Variants in SATL1 observed in about 807,000 individuals in gnomAD.
The protein encoded by SATL1 is spermidine/spermine N(1)-acetyltransferase-like protein 1.
Under a neutral mutation model 51.8 loss-of-function variants are expected in SATL1, and 47 were observed. The ratio of observed to expected loss-of-function variants is 0.91; its 90% confidence interval spans 0.72 to 1.16. The LOEUF (loss-of-function observed/expected upper bound fraction) is 1.16, where lower values mean the gene tolerates loss of function less well. SATL1 is among the 50% of genes most tolerant of loss of function. The pLI is 0.00. For missense variants in SATL1, 520 were observed against 526.4 expected, an observed-to-expected ratio of 0.99 and a Z score of 0.12; for synonymous variants, 176 against 182.4, an observed-to-expected ratio of 0.97 and a Z score of 0.28.
At chrX:85,093,569 ACACGATGGCTCACACATGTGATGG>A (rs1490820115) in intron 6 of SATL1, among the ~76,000 whole-genome samples, 1 of 112,566 alleles carries the variant, frequency 8.9e-6, no homozygotes, top group Non-Finnish European at 1.9e-5. Flanking sequence ...GCCTATACTC[ACACGATGGCTCACACATGTGATGG>A]CACGATGGCT....
At chrX:85,144,932 G>A (rs1466891939) in intron 2 of SATL1, among the ~76,000 whole-genome samples, 1 of 110,876 alleles carries the variant, frequency 9.0e-6, no homozygotes, top group Non-Finnish European at 1.9e-5. Context: ...AGGTACTTGG[G>A]GGGCTGAAGT....
chrX:85,233,051 G>A (rs1308922868), intron 1 of SATL1, among the ~76,000 whole-genome samples: 1 of 112,172 alleles, frequency 8.9e-6, no homozygotes, highest in Non-Finnish European at 1.9e-5. Flanking sequence ...GTGGCCACAG[G>A]GTTGCTTGTG....
Position 85,145,833 on chromosome X carries a change from A to G in SATL1, c.-312-36553T>C, listed in dbSNP as rs958089278. 3.6e-5 allele frequency among the ~76,000 whole-genome samples: 4 copies of G among 111,594 alleles called. No homozygotes were observed. The East Asian group carries it at 1.1e-3, about 31-fold the overall frequency. On this transcript the variant is annotated intron_variant, in intron 2 of 7. Transcript: ENST00000644105. ...AGTTACCTGTGGTACCACGATCTGA[A>G]CATACTACATACAGTAAGATATTTT...
chrX:85,165,154 T>C (rs1228986431), intron 2 of SATL1, among the ~76,000 whole-genome samples: 1 of 111,868 alleles, frequency 8.9e-6, no homozygotes, highest in Admixed American at 9.5e-5. Flanking sequence ...TTTAGATTTC[T>C]CCTCTCCCTC....
intron 2 of SATL1, among the ~76,000 whole-genome samples, chrX:85,170,485 A>T (rs985457074): frequency 1.8e-5 from 2 of 111,740 alleles, no homozygotes; most frequent in African/African-American, 6.5e-5. Context: ...TGTACCGATG[A>T]AAAGCAAACA....
chrX:85,127,696 G>A (rs1925660794), intron 2 of SATL1, among the ~76,000 whole-genome samples: 2 of 111,260 alleles, frequency 1.8e-5, no homozygotes, highest in Admixed American at 1.9e-4. Context: ...TGCACAACAT[G>A]CAGGTGTGTT....
chrX:85,225,408 A>T (rs73234650), intron 1 of SATL1, among the ~76,000 whole-genome samples: 11,151 of 112,240 alleles, frequency 0.099, 538 homozygotes, highest in South Asian at 0.18. Context: ...ATCATGTCTT[A>T]CAACTGCATG....
chrX:85,149,413 G>A, intron 2 of SATL1, among the ~76,000 whole-genome samples: 1 of 111,435 alleles, frequency 9.0e-6, no homozygotes, highest in Non-Finnish European at 1.9e-5. Context: ...CAATGAGACA[G>A]AAAGTTAACA....
chrX:85,130,170 T>A (rs1925746441), intron 2 of SATL1, among the ~76,000 whole-genome samples: 1 of 112,156 alleles, frequency 8.9e-6, no homozygotes, highest in Non-Finnish European at 1.9e-5. Context: ...TAAAATGAGT[T>A]AAGGAGGATT....
At chrX:85,170,166 A>G (rs1251178188) in intron 2 of SATL1, among the ~76,000 whole-genome samples, 1 of 111,159 alleles carries the variant, frequency 9.0e-6, no homozygotes, top group East Asian at 2.8e-4. Flanking sequence ...AGAAAAAATA[A>G]CTAACGGGTA....
Position 85,174,447 on chromosome X carries a change from C to T in SATL1, c.-313+49758G>A, listed in dbSNP as rs140608879. Among the ~76,000 whole-genome samples, 290 of 109,011 alleles carry T rather than the reference C, an allele frequency of 2.7e-3. 3 individuals carry two copies. Among genetic ancestry groups the T allele is most frequent in the Non-Finnish European group, 2.8e-3 (145 of 52,416 alleles). The allele number at this position is 109,011 out of a possible 115,157, so 94.7% of individuals were successfully genotyped here. A position where few individuals can be genotyped will look rare whatever the true frequency, so the allele number is the denominator to read the frequency against. ...AAGTGATTCTCCTGTTTCAGCCTCC[C>T]GAGTATTTGGGATTACAGGTGACCA... On this transcript the variant is annotated intron_variant, in intron 2 of 7. Transcript: ENST00000644105.
At chrX:85,135,727 A>G (rs1925936713) in intron 2 of SATL1, among the ~76,000 whole-genome samples, 1 of 92,677 alleles carries the variant, frequency 1.1e-5, no homozygotes, top group Non-Finnish European at 2.2e-5. Flanking sequence ...ATAGGCACTC[A>G]CCACCGTGCT....
At chrX:85,137,542 C>A (rs753840081) in intron 2 of SATL1, among the ~76,000 whole-genome samples, 1 of 111,258 alleles carries the variant, frequency 9.0e-6, no homozygotes, top group Admixed American at 9.6e-5. Context: ...TTTTCCCACT[C>A]CACTCCACCC....
chrX:85,182,176 C>T (rs937757032), intron 2 of SATL1, among the ~76,000 whole-genome samples: 25 of 111,192 alleles, frequency 2.2e-4, no homozygotes, highest in Non-Finnish European at 4.0e-4. Flanking sequence ...GTACAGAACA[C>T]TGGAAATTAA....
At chrX:85,120,776 A>T (rs181124744) in intron 2 of SATL1, among the ~76,000 whole-genome samples, 48 of 111,775 alleles carry the variant, frequency 4.3e-4, no homozygotes, top group African/African-American at 1.6e-3. Context: ...GAGCCTTTCT[A>T]TTACAAAAAA....
At chrX:85,154,727 C>T (rs759061462) in intron 2 of SATL1, among the ~76,000 whole-genome samples, 1 of 112,391 alleles carries the variant, frequency 8.9e-6, no homozygotes, top group African/African-American at 3.2e-5. Flanking sequence ...TAAAATAGTG[C>T]TTAGAAAGCT....
chrX:85,099,498 C>T (rs1048973354), intron 4 of SATL1, among the ~76,000 whole-genome samples: 1 of 111,525 alleles, frequency 9.0e-6, no homozygotes, highest in Non-Finnish European at 1.9e-5. Flanking sequence ...TTAAAAAATT[C>T]TCCACAAAAT....
intron 2 of SATL1, chrX:85,142,923 C>T (rs768749988): frequency 9.0e-6 from 1 of 111,622 alleles, no homozygotes; most frequent in Non-Finnish European, 1.9e-5. Flanking sequence ...CTGCCCTCTT[C>T]CACTTTCATT....
chrX:85,132,015 T>A (rs1164007810), intron 2 of SATL1, among the ~76,000 whole-genome samples: 1 of 111,773 alleles, frequency 8.9e-6, no homozygotes, highest in Non-Finnish European at 1.9e-5. Context: ...TACCGAGAGA[T>A]CTGCTGTTAG....
Sources: allele counts gnomAD v4.1 joint callset (sites outside exome capture counted in the v4.1 genomes callset), GRCh38; gene constraint gnomAD v4.1.1; transcripts MANE v1.5; gene names NCBI Gene and HGNC (gene_info 2026-07-23, HGNC 2026-07-21).